DDAH1: variants seen among roughly 807,000 people sequenced by gnomAD.
DDAH1 encodes the protein dimethylarginine dimethylaminohydrolase 1.
Under a neutral mutation model 28.8 loss-of-function variants are expected in DDAH1, and 19 were observed. The observed-to-expected ratio is 0.66, with a 90% CI of 0.46 to 0.97. The LOEUF is 0.97. Among genes scored for constraint, DDAH1 ranks in the 50% least tolerant of loss-of-function variants. The pLI, the probability that DDAH1 is intolerant of heterozygous loss-of-function variation, is 0.00. For synonymous variants in DDAH1, 153 were observed against 154.4 expected, an observed-to-expected ratio of 0.99 and a Z score of 0.07; for missense variants, 326 against 375.9, an observed-to-expected ratio of 0.87 and a Z score of 1.10.
chr1:85,465,309 C>G, upstream of DDAH1: 1 of 768,120 alleles, frequency 1.3e-6, no homozygotes, highest in Non-Finnish European at 1.6e-6. Context: ...TAGCGGCGAG[C>G]GCCGGGCGAG....
chr1:85,574,187 C>T (rs1659534041), intron 1 of DDAH1, among the ~76,000 whole-genome samples: 1 of 152,226 alleles, frequency 6.6e-6, no homozygotes, highest in Non-Finnish European at 1.5e-5. Flanking sequence ...CCCCATGGTT[C>T]CCAAGGCCAA....
At chr1:85,391,261 G>C (rs1377204743) in intron 1 of DDAH1, among the ~76,000 whole-genome samples, 1 of 152,078 alleles carries the variant, frequency 6.6e-6, no homozygotes, top group Admixed American at 6.6e-5. Context: ...CAGAGCCAAG[G>C]GCCATAGTTT....
chr1:85,375,980 C>A (rs374195593), intron 1 of DDAH1, among the ~76,000 whole-genome samples: 5 of 152,120 alleles, frequency 3.3e-5, no homozygotes, highest in Non-Finnish European at 7.4e-5. Context: ...GGCCCTGGTG[C>A]CCCTGTACTA....
intron 1 of DDAH1, among the ~76,000 whole-genome samples, chr1:85,446,212 G>A (rs912303162): frequency 6.6e-6 from 1 of 152,150 alleles, no homozygotes; most frequent in Non-Finnish European, 1.5e-5. Flanking sequence ...TGTTCAACAT[G>A]GCTAGGGAGG....
At chr1:85,483,812 G>C (rs1656097776) in intron 2 of DDAH1, among the ~76,000 whole-genome samples, 1 of 152,094 alleles carries the variant, frequency 6.6e-6, no homozygotes, top group African/African-American at 2.4e-5. Context: ...CTGTTATCTA[G>C]TCTCAACTCA....
At chr1:85,444,489 T>G (rs1163094341) in intron 1 of DDAH1, among the ~76,000 whole-genome samples, 1 of 152,198 alleles carries the variant, frequency 6.6e-6, no homozygotes, top group Non-Finnish European at 1.5e-5. Flanking sequence ...TTTTTTGTTG[T>G]GTCTCTCCCA....
chr1:85,483,850 G>A (rs574643837), intron 2 of DDAH1, among the ~76,000 whole-genome samples: 1 of 152,256 alleles, frequency 6.6e-6, no homozygotes, highest in South Asian at 2.1e-4. Context: ...TCTGATTGTA[G>A]AAGTCATAAA....
intron 1 of DDAH1, among the ~76,000 whole-genome samples, chr1:85,364,669 C>T (rs200290392): frequency 1.3e-5 from 2 of 152,004 alleles, no homozygotes; most frequent in Non-Finnish European, 2.9e-5. Flanking sequence ...CTCAGCCTCC[C>T]GAATAGCTTG....
intron 1 of DDAH1, among the ~76,000 whole-genome samples, chr1:85,555,022 C>A (rs1457033289): frequency 6.6e-6 from 1 of 152,172 alleles, no homozygotes; most frequent in African/African-American, 2.4e-5. Flanking sequence ...TCATTTGAAG[C>A]TAAATTAGAG....
In DDAH1 at chr1:85,401,436, G is replaced by A. The variant is rs140645913; in HGVS notation, c.304-42589C>T. 3.0e-3 allele frequency among the ~76,000 whole-genome samples: 449 copies of A among 151,680 alleles called. 3 individuals are homozygous for A. The highest frequency in any genetic ancestry group is 4.3e-3 in the Admixed American group (65 of 15,250). On this transcript the variant is annotated intron_variant, in intron 1 of 5. Transcript: ENST00000284031. ...TACTTTTAGGAAAAAGAGTTGTAAT[G>A]AGGATGAAATATAATTTTACCTTGG...
At chr1:85,535,128 C>G (rs1353887574) in intron 1 of DDAH1, among the ~76,000 whole-genome samples, 7 of 151,906 alleles carry the variant, frequency 4.6e-5, no homozygotes, top group African/African-American at 9.7e-5. Flanking sequence ...ATTAGTGATA[C>G]CATTACGTAA....
Position 85,384,214 on chromosome 1 carries a change from T to TTC in DDAH1, c.304-25369_304-25368dup, listed in dbSNP as rs138924037. 6.2e-3 allele frequency among the ~76,000 whole-genome samples: 944 copies of TTC among 152,316 alleles called. 8 individuals are homozygous for TTC. The highest frequency in any genetic ancestry group is 0.022 in the African/African-American group (915 of 41,566). The stretch of plus-strand genomic sequence containing the variant: ...GTCTGGTTTATTTTCTGCTGGTTCT[T>TTC]TCTCTAGCTTTGGGTAGTTCCTCTT... On this transcript the variant is annotated intron_variant, in intron 1 of 5. Coordinates refer to ENST00000284031, the MANE Select transcript of DDAH1 (RefSeq NM_012137.4).
At chr1:85,453,802 G>A (rs1419826001) in intron 1 of DDAH1, among the ~76,000 whole-genome samples, 1 of 152,220 alleles carries the variant, frequency 6.6e-6, no homozygotes, top group Non-Finnish European at 1.5e-5. Flanking sequence ...CTTATCTAGT[G>A]TTGCATAAGT....
intron 1 of DDAH1, among the ~76,000 whole-genome samples, chr1:85,412,338 T>G (rs1038861395): frequency 6.6e-6 from 1 of 152,210 alleles, no homozygotes; most frequent in Non-Finnish European, 1.5e-5. Flanking sequence ...ATTTCATCTT[T>G]CAGGGTCTTC....
chr1:85,488,062 G>A (rs575134365), intron 2 of DDAH1, among the ~76,000 whole-genome samples: 1 of 152,158 alleles, frequency 6.6e-6, no homozygotes, highest in South Asian at 2.1e-4. Context: ...GTGCACACCT[G>A]TAATCCCAGC....
chr1:85,500,861 A>G (rs1656795215), intron 1 of DDAH1, among the ~76,000 whole-genome samples: 1 of 149,226 alleles, frequency 6.7e-6, no homozygotes, highest in Non-Finnish European at 1.5e-5. Context: ...TGTTAAGCTC[A>G]TTTAGGGATT....
chr1:85,366,627 C>G lies in DDAH1; in HGVS notation c.304-7780G>C, dbSNP rs530949412. Among the ~76,000 whole-genome samples, 181 of 152,176 alleles carry G rather than the reference C, an allele frequency of 1.2e-3. 1 individual carries two copies. The highest frequency in any genetic ancestry group is 3.1e-3 in the Admixed American group (47 of 15,266). Reference sequence around the variant, plus strand: ...TCCTATTTTCCTCCCATAGAATTTACTGAAAATACCCCAGATGGTTACTCA... The same window carrying G: ...TCCTATTTTCCTCCCATAGAATTTAGTGAAAATACCCCAGATGGTTACTCA... On this transcript the variant is annotated intron_variant, in intron 1 of 5. Coordinates refer to ENST00000284031, the MANE Select transcript of DDAH1 (RefSeq NM_012137.4).
intron 1 of DDAH1, among the ~76,000 whole-genome samples, chr1:85,446,389 C>T (rs12022443): frequency 0.02 from 2,975 of 152,186 alleles, 66 homozygotes; most frequent in East Asian, 0.11. Flanking sequence ...AAACCACCCC[C>T]GTGATTCAAT....
chr1:85,553,606 C>T (rs1658867065), intron 1 of DDAH1, among the ~76,000 whole-genome samples: 1 of 152,232 alleles, frequency 6.6e-6, no homozygotes, highest in Non-Finnish European at 1.5e-5. Context: ...CACAGGCCTG[C>T]AGATGCTCAC....
Sources: allele counts gnomAD v4.1 joint callset (sites outside exome capture counted in the v4.1 genomes callset), GRCh38; gene constraint gnomAD v4.1.1; transcripts MANE v1.5; gene names NCBI Gene and HGNC (gene_info 2026-07-23, HGNC 2026-07-21).